Variants in CDH1 observed in about 807,000 individuals in gnomAD.
The protein encoded by CDH1 is cadherin 1, also known as cadherin-1.
In CDH1, 35 loss-of-function variants were observed where a neutral mutation model predicts 84.5. That is an observed-to-expected ratio of 0.41 (90% CI 0.32 to 0.55). The LOEUF (loss-of-function observed/expected upper bound fraction) is 0.55. Ranked by LOEUF, CDH1 falls within the 20% of genes least tolerant of loss-of-function variation. CDH1 has a pLI of 0.19. For synonymous variants in CDH1, 417 were observed against 439.0 expected (o/e 0.95, Z 0.63); for missense variants, 994 against 1,126.6 (o/e 0.88, Z 1.68).
Position 68,811,826 on chromosome 16 carries a change from C to T in CDH1, c.975C>T (p.Val325=), listed in dbSNP as rs1597894252. 2 of 1,614,058 alleles carry T rather than the reference C, an allele frequency of 1.2e-6. No homozygotes were observed. The highest frequency in any genetic ancestry group is 1.7e-6 in the Non-Finnish European group (2 of 1,180,038). ...TCACCATTAACAGGAACACAGGAGT[C>T]ATCAGTGTGGTCACCACTGGGCTGG... ...NMFTINRNTG[V]ISVVTTGLDR... The change falls in exon 7 of 16, where the codon GTC becomes GTT. Residue 325 remains valine, a synonymous_variant. Coordinates refer to ENST00000261769, the MANE Select transcript of CDH1 (RefSeq NM_004360.5).
rs754228872 is a variant in CDH1, at chr16:68,811,833, G to A, written c.982G>A (p.Val328Met). ...TAACAGGAACACAGGAGTCATCAGT[G>A]TGGTCACCACTGGGCTGGACCGAGA... ...TINRNTGVISVVTTGLDRESF... is the reference protein window; with the variant it reads ...TINRNTGVISMVTTGLDRESF... The change falls in exon 7 of 16, where the codon GTG becomes ATG. Residue 328 changes from valine to methionine, a missense_variant. Transcript: ENST00000261769. 6.2e-7 allele frequency: 1 copy of A among 1,614,186 alleles called. No individual in the cohort carries two copies. Among genetic ancestry groups the A allele is most frequent in the Admixed American group, 1.7e-5 (1 of 60,014 alleles).
chr16:68,794,571 G>T (rs1960303499), intron 2 of CDH1, among the ~76,000 whole-genome samples: 1 of 151,412 alleles, frequency 6.6e-6, no homozygotes, highest in Non-Finnish European at 1.5e-5. Context: ...CTAGGGTGGA[G>T]TGTGGTGGTA....
At chr16:68,796,992 C>T (rs1248587438) in intron 2 of CDH1, among the ~76,000 whole-genome samples, 1 of 151,972 alleles carries the variant, frequency 6.6e-6, no homozygotes, top group Non-Finnish European at 1.5e-5. Flanking sequence ...CATAAAATTA[C>T]ATTTTTTGCT....
intron 3 of CDH1, 24 bp downstream of exon 3, chr16:68,801,917 G>T (rs757433612): frequency 1.9e-6 from 3 of 1,582,158 alleles, no homozygotes; most frequent in South Asian, 2.2e-5. Flanking sequence ...TTTCTGAGAA[G>T]TTCGCTGTTG....
intron 2 of CDH1, among the ~76,000 whole-genome samples, chr16:68,771,689 T>C (rs1959579087): frequency 6.6e-6 from 1 of 150,710 alleles, no homozygotes; most frequent in Non-Finnish European, 1.5e-5. Flanking sequence ...GAGGTGGAGG[T>C]TGCAGTGAGC....
intron 2 of CDH1, among the ~76,000 whole-genome samples, chr16:68,787,669 G>GTTTT: frequency 6.6e-6 from 1 of 151,504 alleles, no homozygotes; most frequent in African/African-American, 2.4e-5. Flanking sequence ...GTTTTGTTTT[G>GTTTT]TTTTTTGGAG....
intron 2 of CDH1, among the ~76,000 whole-genome samples, chr16:68,739,684 G>A (rs1013215876): frequency 4.1e-5 from 6 of 146,536 alleles, no homozygotes; most frequent in African/African-American, 1.3e-4. Context: ...GCGTGATCTC[G>A]GCTCACTGCC....
chr16:68,816,334 C>A (rs1208540442), intron 10 of CDH1, among the ~76,000 whole-genome samples: 1 of 152,168 alleles, frequency 6.6e-6, no homozygotes, highest in Non-Finnish European at 1.5e-5. Context: ...TTCTAAGTAG[C>A]TTACTATCAG....
intron 3 of CDH1, among the ~76,000 whole-genome samples, chr16:68,803,903 G>T (rs1233562847): frequency 2.0e-5 from 3 of 152,030 alleles, no homozygotes; most frequent in Non-Finnish European, 4.4e-5. Flanking sequence ...TAGTCATCAA[G>T]AGCCCAGGTT....
chr16:68,779,721 G>T (rs1959823982), intron 2 of CDH1, among the ~76,000 whole-genome samples: 1 of 152,194 alleles, frequency 6.6e-6, no homozygotes, highest in African/African-American at 2.4e-5. Flanking sequence ...ATTGGGCATG[G>T]TGGCACATGC....
chr16:68,740,902 TTTCTC>T (rs1286601871), intron 2 of CDH1, among the ~76,000 whole-genome samples: 3 of 152,100 alleles, frequency 2.0e-5, no homozygotes, highest in Non-Finnish European at 2.9e-5. Flanking sequence ...CAGTTGGTCT[TTTCTC>T]TTCCTTTTTC....
intron 2 of CDH1, among the ~76,000 whole-genome samples, chr16:68,741,960 C>T (rs1472036880): frequency 6.6e-6 from 1 of 152,180 alleles, no homozygotes; most frequent in Non-Finnish European, 1.5e-5. Context: ...TGTGAGTCAC[C>T]ATGCCTGGCT....
At chr16:68,806,727 G>A (rs756421035) in intron 3 of CDH1, among the ~76,000 whole-genome samples, 23 of 152,186 alleles carry the variant, frequency 1.5e-4, no homozygotes. Flanking sequence ...AGTAATATCT[G>A]CCTGGGGCAA....
intron 2 of CDH1, among the ~76,000 whole-genome samples, chr16:68,793,546 CT>C (rs752200344): frequency 1.9e-4 from 29 of 152,210 alleles, no homozygotes; most frequent in Admixed American, 1.5e-3. Flanking sequence ...GCTTCCGTCA[CT>C]TCATAGCTAT....
chr16:68,811,829 C>G lies in CDH1; in HGVS notation c.978C>G (p.Ile326Met), dbSNP rs1960842618. The change falls in exon 7 of 16, where the codon ATC becomes ATG. Residue 326 changes from isoleucine (I) to methionine (M), a missense_variant. Physicochemically the swap from Ile to Met is conservative, Grantham distance 10 (BLOSUM62 1). Transcript: ENST00000261769. Reference sequence around the variant, plus strand: ...CCATTAACAGGAACACAGGAGTCATCAGTGTGGTCACCACTGGGCTGGACC... The same window carrying G: ...CCATTAACAGGAACACAGGAGTCATGAGTGTGGTCACCACTGGGCTGGACC... ...MFTINRNTGV[I>M]SVVTTGLDRE... 6.2e-7 allele frequency: 1 copy of G among 1,614,184 alleles called. No individual in the cohort carries two copies.
chr16:68,779,385 C>T (rs1959815044), intron 2 of CDH1, among the ~76,000 whole-genome samples: 1 of 152,216 alleles, frequency 6.6e-6, no homozygotes, highest in Non-Finnish European at 1.5e-5. Flanking sequence ...TCCGGCAGGC[C>T]TGAGTTCAAT....
At chr16:68,768,018 C>T (rs563184828) in intron 2 of CDH1, among the ~76,000 whole-genome samples, 8 of 151,776 alleles carry the variant, frequency 5.3e-5, no homozygotes, top group South Asian at 2.1e-4. Context: ...TGCAATGGCA[C>T]GCTTTTGGCT....
At chr16:68,805,310 G>A (rs1351568822) in intron 3 of CDH1, among the ~76,000 whole-genome samples, 2 of 151,832 alleles carry the variant, frequency 1.3e-5, no homozygotes, top group East Asian at 3.9e-4. Flanking sequence ...GTGAGCCACC[G>A]TGCCCCACCT....
intron 11 of CDH1, 70 bp downstream of exon 11, chr16:68,819,495 C>G (rs1258792035): frequency 1.4e-6 from 2 of 1,455,238 alleles, no homozygotes; most frequent in Non-Finnish European, 1.9e-6. Flanking sequence ...CCCCTCCCTT[C>G]TTTTGGAGGG....
Sources: gnomAD v4.1 joint callset for allele counts (sites outside exome capture counted in the v4.1 genomes callset) on GRCh38, gnomAD v4.1.1 for gene constraint, MANE v1.5 for transcripts, NCBI Gene and HGNC (gene_info 2026-07-23, HGNC 2026-07-21) for gene names.